The following UPF1 variants were observed in gnomAD, a reference collection of about 807,000 sequenced individuals.
The protein encoded by UPF1 is regulator of nonsense transcripts 1.
In UPF1, 9 loss-of-function variants were observed where a neutral mutation model predicts 129.2. The observed-to-expected ratio is 0.07, with a 90% CI of 0.04 to 0.12. The LOEUF (loss-of-function observed/expected upper bound fraction) is 0.12, where lower values mean the gene tolerates loss of function less well. UPF1 is among the 10% of genes least tolerant of loss of function. The pLI is 1.00. For missense variants in UPF1, 788 were observed against 1,525.3 expected, an observed-to-expected ratio of 0.52 and a Z score of 8.05; for synonymous variants, 649 against 644.9, an observed-to-expected ratio of 1.01 and a Z score of -0.10.
rs140348197 is a variant in UPF1 at position 18,839,809 on chromosome 19, C to T, written c.232-6171C>T. Among the ~76,000 whole-genome samples, 190 of 152,304 alleles carry T rather than the reference C, an allele frequency of 1.2e-3. 3 individuals are homozygous for T. The highest frequency in any genetic ancestry group is 4.1e-3 in the African/African-American group (169 of 41,550). Reference sequence around the variant, plus strand: ...GAGGGAGAGTGAAGCCTTTGACCCCCGCGGTTGCACTGTTAGAAGACAGCA... The same window carrying T: ...GAGGGAGAGTGAAGCCTTTGACCCCTGCGGTTGCACTGTTAGAAGACAGCA... On this transcript the variant is annotated intron_variant, in intron 1 of 23. Transcript: ENST00000262803.
rs188589954 is a variant in UPF1 at position 18,859,199 on chromosome 19, G to A, written c.2183-1122G>A. On this transcript the variant is annotated intron_variant, in intron 15 of 23. Coordinates refer to ENST00000262803, the MANE Select transcript of UPF1 (RefSeq NM_002911.4). The stretch of plus-strand genomic sequence containing the variant: ...CTGGCTGGGAAAGGCGTGGCTCGGC[G>A]CAGGCTCAGACCCCTCATGGTCCCC... 1.9e-3 allele frequency among the ~76,000 whole-genome samples: 291 copies of A among 152,328 alleles called. 2 individuals carry two copies. Among genetic ancestry groups the A allele is most frequent in the Admixed American group, 0.015 (228 of 15,308 alleles).
chr19:18,864,350 C>A, intron 20 of UPF1, 99 bp downstream of exon 20: 1 of 1,151,410 alleles, frequency 8.7e-7, no homozygotes, highest in Non-Finnish European at 1.3e-6. Flanking sequence ...ATCTTTCCTT[C>A]CCCTCAAGGG....
At chr19:18,849,045 C>T (rs918829823) in intron 3 of UPF1, 4 of 152,296 alleles carry the variant, frequency 2.6e-5, no homozygotes, top group Non-Finnish European at 4.4e-5. Flanking sequence ...AGGAAGCAGC[C>T]GCTGGCCCTT....
intron 2 of UPF1, among the ~76,000 whole-genome samples, chr19:18,846,799 G>A (rs913979211): frequency 1.3e-5 from 2 of 152,120 alleles, no homozygotes; most frequent in Non-Finnish European, 2.9e-5. Flanking sequence ...GACCATCCTG[G>A]CTAACACGGT....
In UPF1 at chr19:18,832,259, A is replaced by T. The variant is rs2055433576; in HGVS notation, c.50A>T (p.Asp17Val). Residue 17 changes from aspartate (D) to valine (V), a missense_variant, in exon 1 of 24, where the codon GAC becomes GTC. By Grantham distance (152) the Asp-to-Val change is radical. Coordinates refer to ENST00000262803, the MANE Select transcript of UPF1 (RefSeq NM_002911.4). This position sits in a 1 kb window ranked among gnomAD's most constrained non-coding sequence, Gnocchi z 5.6. ...GPSSQTLTFL[D>V]TEEAELLGAD... Reference sequence around the variant, plus strand: ...AGCTCGCAGACTCTCACTTTCCTGGACACGGAGGAGGCCGAGCTGCTTGGC... The same window carrying T: ...AGCTCGCAGACTCTCACTTTCCTGGTCACGGAGGAGGCCGAGCTGCTTGGC... 4 of 1,554,074 alleles carry T rather than the reference A, an allele frequency of 2.6e-6. No homozygotes were observed. The highest frequency in any genetic ancestry group is 3.5e-6 in the Non-Finnish European group (4 of 1,150,232).
chr19:18,845,221 G>A (rs994813959), intron 1 of UPF1, among the ~76,000 whole-genome samples: 3 of 152,210 alleles, frequency 2.0e-5, no homozygotes, highest in African/African-American at 4.8e-5. Flanking sequence ...CAGTGCTCCC[G>A]CTGCCTGACC....
At chr19:18,854,838 C>A in intron 9 of UPF1, 41 bp from the exon 10 acceptor site, 2 of 1,611,078 alleles carry the variant, frequency 1.2e-6, no homozygotes, top group Non-Finnish European at 1.7e-6. Flanking sequence ...GGAGAGGCGG[C>A]CACAGCTGTG....
chr19:18,857,407 G>C lies in UPF1; in HGVS notation c.2056G>C (p.Glu686Gln). The change falls in exon 15 of 24, where the codon GAG becomes CAG. Residue 686 changes from glutamate to glutamine, a missense_variant. Around this residue, in one of 6 missense-constraint regions of UPF1, gnomAD observed 140 missense variants for 385.9 expected, o/e 0.36. Coordinates refer to ENST00000262803, the MANE Select transcript of UPF1 (RefSeq NM_002911.4). ...GGCCGGGCTGTCACAGTCGCTCTTC[G>C]AGCGCCTGGTGGTGCTGGGCATCCG... ...AKAGLSQSLF[E>Q]RLVVLGIRPI... 6.2e-7 allele frequency: 1 copy of C among 1,613,504 alleles called. No homozygotes were observed.
chr19:18,832,316 C>G lies in UPF1; in HGVS notation c.107C>G (p.Thr36Ser). 1.3e-6 allele frequency: 2 copies of G among 1,528,072 alleles called. No individual in the cohort carries two copies. The allele number at this position is 1,528,072 out of a possible 1,614,324, so 94.7% of individuals were successfully genotyped here. A position where few individuals can be genotyped will look rare whatever the true frequency, so the allele number is the denominator to read the frequency against. ...ADTQGSEFEF[T>S]DFTLPSQTQT... The stretch of plus-strand genomic sequence containing the variant: ...ACACAGGGCTCCGAGTTCGAGTTCA[C>G]CGACTTTACTCTTCCTAGCCAGACG... Residue 36 changes from threonine (T) to serine (S), a missense_variant, in exon 1 of 24, where the codon ACC becomes AGC. By Grantham distance (58) the Thr-to-Ser change is moderately conservative. Coordinates refer to ENST00000262803, the MANE Select transcript of UPF1 (RefSeq NM_002911.4). This position sits in a 1 kb window ranked among gnomAD's most constrained non-coding sequence, Gnocchi z 5.6.
chr19:18,854,871 C>T lies in UPF1; in HGVS notation c.1266-8C>T, dbSNP rs1367617951. On this transcript the variant is annotated splice_region_variant and splice_polypyrimidine_tract_variant and intron_variant, in intron 9 of 23. Transcript: ENST00000262803. ...GTGCGTGTCGCCAACCCCAAACCCT[C>T]CTCACAGGATGCAGAGCGCATTGAA... 6.2e-7 allele frequency: 1 copy of T among 1,614,090 alleles called. No individual in the cohort carries two copies. Among genetic ancestry groups the T allele is most frequent in the Non-Finnish European group, 8.5e-7 (1 of 1,179,974 alleles).
rs760388497 is a variant in UPF1 at position 18,845,984 on chromosome 19, G to A, written c.236G>A (p.Gly79Glu). 3.7e-6 allele frequency: 6 copies of A among 1,613,918 alleles called. No homozygotes were observed. In the East Asian group the frequency reaches 1.1e-4, roughly 30 times the overall value. Residue 79 changes from glycine to glutamate, a missense_variant, in exon 2 of 24, where the codon GGG becomes GAG. By Grantham distance (98) the Gly-to-Glu change is moderately conservative (BLOSUM62 -2). Around this residue, in one of 6 missense-constraint regions of UPF1, gnomAD observed 112 missense variants for 128.2 expected, o/e 0.87. Coordinates refer to ENST00000262803, the MANE Select transcript of UPF1 (RefSeq NM_002911.4). Reference protein sequence around the residue: ...AAAGQLDAQVGPEGILQNGAV... With the variant: ...AAAGQLDAQVEPEGILQNGAV... ...TGACACTGCGTTCTGCTGCAGGTTG[G>A]GCCCGAAGGCATCCTGCAGAACGGG...
intron 1 of UPF1, among the ~76,000 whole-genome samples, chr19:18,835,718 C>G (rs1484686460): frequency 2.6e-5 from 4 of 152,176 alleles, no homozygotes; most frequent in Non-Finnish European, 5.9e-5. Context: ...TTTTGTTTAT[C>G]TCGTCATCTG....
intron 1 of UPF1, among the ~76,000 whole-genome samples, chr19:18,837,564 C>T (rs1029954286): frequency 4.6e-5 from 7 of 152,242 alleles, no homozygotes; most frequent in African/African-American, 1.2e-4. Flanking sequence ...TGTGTACATC[C>T]AGTGGGAAAA....
chr19:18,833,156 A>T (rs2055447478), intron 1 of UPF1: 1 of 152,138 alleles, frequency 6.6e-6, no homozygotes, highest in Non-Finnish European at 1.5e-5. Context: ...TTTCACAGTC[A>T]CGGAGCGTAG....
intron 17 of UPF1, among the ~76,000 whole-genome samples, chr19:18,861,750 C>T (rs1219576567): frequency 6.6e-6 from 1 of 152,170 alleles, no homozygotes; most frequent in Non-Finnish European, 1.5e-5. Flanking sequence ...ATCAGCTGAG[C>T]CTGGGAGGTC....
At position 18,860,838 on chromosome 19, in the gene UPF1, G is replaced by C. The variant is rs371034118; in HGVS notation, c.2313G>C (p.Ala771=). 6.2e-7 allele frequency: 1 copy of C among 1,612,398 alleles called. No individual in the cohort carries two copies. The highest frequency in any genetic ancestry group is 8.5e-7 in the Non-Finnish European group (1 of 1,179,622). ...CTGGGTTTCTTAGGACCGAGGCTGC[G>C]AACGTGGAGAAGATCACCACGAAGT... The part of the protein sequence containing the change: ...GTSYLNRTEA[A]NVEKITTKLL... Residue 771 remains alanine (A), a synonymous_variant, in exon 17 of 24, where the codon GCG becomes GCC. Transcript: ENST00000262803.
At chr19:18,864,523 C>CA (rs1321429996) in intron 20 of UPF1, among the ~76,000 whole-genome samples, 1 of 152,192 alleles carries the variant, frequency 6.6e-6, no homozygotes, top group African/African-American at 2.4e-5. Context: ...GCATGTAGTA[C>CA]AAATAGAACA....
chr19:18,844,932 C>T (rs983220365), intron 1 of UPF1, among the ~76,000 whole-genome samples: 5 of 152,270 alleles, frequency 3.3e-5, no homozygotes, highest in African/African-American at 1.2e-4. Flanking sequence ...CAGATCACTG[C>T]AGGGCAGCAT....
rs775614318 is a variant in UPF1, at chr19:18,852,258, C to A, written c.934C>A (p.Leu312Met). ...YQNIFGPLVK[L>M]EADYDKKLKE... ...GAACATATTCGGGCCCCTGGTCAAG[C>A]TGGAGGCCGACTACGACAAGAAGCT... is the stretch of plus-strand genomic sequence containing the variant. The change falls in exon 6 of 24, where the codon CTG (leucine) becomes ATG (methionine). Residue 312 changes from leucine (L) to methionine (M), a missense_variant. Leu to Met is a conservative substitution (Grantham distance 15). Coordinates refer to ENST00000262803, the MANE Select transcript of UPF1 (RefSeq NM_002911.4). 1 of 1,613,750 alleles carries A rather than the reference C, an allele frequency of 6.2e-7. No homozygotes were observed. The highest frequency in any genetic ancestry group is 8.5e-7 in the Non-Finnish European group (1 of 1,179,794).
Sources: allele counts gnomAD v4.1 joint callset (sites outside exome capture counted in the v4.1 genomes callset), GRCh38; gene constraint gnomAD v4.1.1; regional missense constraint gnomAD v4.1.1; non-coding constraint Gnocchi (gnomAD v3.1); transcripts MANE v1.5; gene names NCBI Gene and HGNC (gene_info 2026-07-23, HGNC 2026-07-21).